Variants in CSMD1 observed in about 807,000 individuals in gnomAD.
CSMD1 encodes the protein CUB and Sushi multiple domains 1, also known as CUB and sushi domain-containing protein 1.
Under a neutral mutation model 417.5 loss-of-function variants are expected in CSMD1, and 213 were observed. The ratio of observed to expected loss-of-function variants is 0.51; its 90% CI spans 0.46 to 0.57. The LOEUF (loss-of-function observed/expected upper bound fraction) is 0.57, where lower values mean the gene tolerates loss of function less well. Ranked by LOEUF, CSMD1 falls within the 20% of genes least tolerant of loss-of-function variation. The probability of loss-of-function intolerance (pLI) is 0.00; values close to 1 mark genes in which losing one functional copy is unlikely to be tolerated. For missense variants in CSMD1, 6,923 were observed against 4,529.7 expected (o/e 1.53, Z -15.17); for synonymous variants, 2,862 against 1,736.8 (o/e 1.65, Z -16.11).
chr8:3,693,107 T>C (rs949435381), intron 7 of CSMD1, among the ~76,000 whole-genome samples: 2 of 152,056 alleles, frequency 1.3e-5, no homozygotes, highest in Admixed American at 6.6e-5. Flanking sequence ...AATCAATACA[T>C]AGAGATAAAT....
intron 54 of CSMD1, among the ~76,000 whole-genome samples, chr8:2,981,345 A>G (rs985025441): frequency 1.8e-4 from 27 of 152,306 alleles, no homozygotes; most frequent in African/African-American, 6.0e-4. Context: ...GTGACAGGTG[A>G]GCTATTGGTT....
intron 65 of CSMD1, among the ~76,000 whole-genome samples, chr8:2,953,826 T>A (rs1050067918): frequency 6.6e-6 from 1 of 152,372 alleles, no homozygotes; most frequent in East Asian, 1.9e-4. Context: ...ACTGTTTACA[T>A]TAACAACTTA....
intron 4 of CSMD1, among the ~76,000 whole-genome samples, chr8:4,020,181 G>A (rs1484671127): frequency 6.6e-6 from 1 of 152,004 alleles, no homozygotes; most frequent in Non-Finnish European, 1.5e-5. Context: ...TTCTCAAGTA[G>A]GCACTTTTAT....
intron 7 of CSMD1, among the ~76,000 whole-genome samples, chr8:3,640,057 GCA>G (rs1797231823): frequency 6.6e-6 from 1 of 152,118 alleles, no homozygotes; most frequent in Admixed American, 6.6e-5. Context: ...TAATCTAATT[GCA>G]TAAGAAGCAG....
intron 12 of CSMD1, among the ~76,000 whole-genome samples, chr8:3,457,781 G>T (rs557398450): frequency 2.0e-4 from 31 of 152,266 alleles, no homozygotes; most frequent in South Asian, 1.7e-3. Flanking sequence ...AATTCCAATT[G>T]AAAGGAAAAA....
chr8:3,631,321 GTTCTCA>G (rs1796772837), intron 7 of CSMD1, among the ~76,000 whole-genome samples: 1 of 152,166 alleles, frequency 6.6e-6, no homozygotes, highest in African/African-American at 2.4e-5. Context: ...CTGGTTTATT[GTTCTCA>G]TTCTGAGTCT....
intron 3 of CSMD1, among the ~76,000 whole-genome samples, chr8:4,276,576 G>A (rs1371594805): frequency 1.3e-5 from 2 of 152,176 alleles, no homozygotes; most frequent in African/African-American, 2.4e-5. Flanking sequence ...ATGTACCCCA[G>A]AACTTTAAGT....
chr8:4,380,370 A>G (rs1327241815), intron 3 of CSMD1, among the ~76,000 whole-genome samples: 1 of 152,218 alleles, frequency 6.6e-6, no homozygotes, highest in Admixed American at 6.5e-5. Flanking sequence ...TTTTCCTCCC[A>G]AAAATCTATA....
intron 1 of CSMD1, among the ~76,000 whole-genome samples, chr8:4,870,881 T>A (rs1802697268): frequency 6.6e-6 from 1 of 152,166 alleles, no homozygotes; most frequent in Admixed American, 6.5e-5. Flanking sequence ...CCTGATTGTG[T>A]CACCTGGCCC....
At chr8:4,862,804 G>C (rs1276252935) in intron 1 of CSMD1, among the ~76,000 whole-genome samples, 1 of 152,046 alleles carries the variant, frequency 6.6e-6, no homozygotes, top group Non-Finnish European at 1.5e-5. Context: ...AGCCTAAAGG[G>C]ATTTGGGGTA....
rs181864944 is a variant in CSMD1, at chr8:3,546,288, T to A, written c.1344+28657A>T. 2.7e-3 allele frequency among the ~76,000 whole-genome samples: 411 copies of A among 151,940 alleles called. 3 individuals are homozygous for A. Among genetic ancestry groups the A allele is most frequent in the Non-Finnish European group, 4.3e-3 (291 of 67,960 alleles). On this transcript the variant is annotated intron_variant, in intron 10 of 69. Coordinates refer to ENST00000635120, the MANE Select transcript of CSMD1 (RefSeq NM_033225.6). Reference sequence around the variant, plus strand: ...TCTATTATTAAAAAAAAAATCCCAGTACTTTGGGAGGCCAAGGTGGGGGGA... The same window carrying A: ...TCTATTATTAAAAAAAAAATCCCAGAACTTTGGGAGGCCAAGGTGGGGGGA...
chr8:3,094,819 A>AG lies in CSMD1; in HGVS notation c.7138+2029_7138+2030insC, dbSNP rs1554510836. Reference sequence around the variant, plus strand: ...GTCTTACAAAAAAAAAAAAAAAAAAAAGAGAGAGAGAAAGAGACAGAAAGA... The same window carrying AG: ...GTCTTACAAAAAAAAAAAAAAAAAAAGAGAGAGAGAGAAAGAGACAGAAAGA... On this transcript the variant is annotated intron_variant, in intron 47 of 69. Coordinates refer to ENST00000635120, the MANE Select transcript of CSMD1 (RefSeq NM_033225.6). Among the ~76,000 whole-genome samples the AG allele has an allele frequency of 1.5e-3, 215 of 138,910 alleles. 1 individual carries two copies. The highest frequency in any genetic ancestry group is 5.2e-3 in the African/African-American group (206 of 39,372). The allele number at this position is 138,910 out of a possible 152,430, so 91.1% of individuals were successfully genotyped here.
rs550179502 is a variant in CSMD1 at position 3,558,601 on chromosome 8, C to T, written c.1344+16344G>A. Among the ~76,000 whole-genome samples the T allele has an allele frequency of 3.8e-3, 484 of 126,866 alleles. 1 individual carries two copies. Among genetic ancestry groups the T allele is most frequent in the African/African-American group, 0.018 (445 of 25,026 alleles). 83.2% of individuals were successfully genotyped at this position (126,866 alleles called of 152,430 possible). ...GATGAATGGTGTCTCAATAGTACCCCGTGTCCACTCCTCCAATGATGAATA... is the reference window on the plus strand; with the variant it reads ...GATGAATGGTGTCTCAATAGTACCCTGTGTCCACTCCTCCAATGATGAATA... On this transcript the variant is annotated intron_variant, in intron 10 of 69. Coordinates refer to ENST00000635120, the MANE Select transcript of CSMD1 (RefSeq NM_033225.6).
At chr8:3,759,692 G>A (rs189797529) in intron 5 of CSMD1, among the ~76,000 whole-genome samples, 3 of 148,150 alleles carry the variant, frequency 2.0e-5, no homozygotes, top group Non-Finnish European at 4.4e-5. Flanking sequence ...TCAGGAGTTC[G>A]AGACCAGCCT....
chr8:4,200,096 A>G (rs1312970441), intron 3 of CSMD1, among the ~76,000 whole-genome samples: 1 of 152,172 alleles, frequency 6.6e-6, no homozygotes, highest in African/African-American at 2.4e-5. Flanking sequence ...TTATGTAATA[A>G]GTTATTTGAG....
chr8:3,264,027 GT>G (rs1801265781), intron 26 of CSMD1, among the ~76,000 whole-genome samples: 1 of 152,052 alleles, frequency 6.6e-6, no homozygotes, highest in African/African-American at 2.4e-5. Context: ...AGAGACTTCA[GT>G]TTTTTTCATA....
chr8:4,037,291 T>G (rs1399313082), intron 3 of CSMD1, among the ~76,000 whole-genome samples: 1 of 152,184 alleles, frequency 6.6e-6, no homozygotes, highest in African/African-American at 2.4e-5. Context: ...AAATTGGTCT[T>G]GTCTTACATT....
chr8:4,987,650 G>C (rs1389145545), intron 1 of CSMD1, among the ~76,000 whole-genome samples: 1 of 152,124 alleles, frequency 6.6e-6, no homozygotes, highest in African/African-American at 2.4e-5. Flanking sequence ...TTGGATTGGA[G>C]GATGAAAATT....
chr8:4,333,571 T>C (rs1799994536), intron 3 of CSMD1, among the ~76,000 whole-genome samples: 2 of 152,192 alleles, frequency 1.3e-5, no homozygotes, highest in South Asian at 4.1e-4. Context: ...ACATGCAATA[T>C]GCGTTAGTTA....
Sources: allele counts gnomAD v4.1 joint callset (sites outside exome capture counted in the v4.1 genomes callset), GRCh38; gene constraint gnomAD v4.1.1; transcripts MANE v1.5; gene names NCBI Gene and HGNC (gene_info 2026-07-23, HGNC 2026-07-21).